The following KCTD16 variants were observed in gnomAD, a reference collection of about 807,000 sequenced individuals.
The protein encoded by KCTD16 is BTB/POZ domain-containing protein KCTD16.
In KCTD16, 13 loss-of-function variants were observed where a neutral mutation model predicts 33.2. The ratio of observed to expected loss-of-function variants is 0.39; its 90% CI spans 0.25 to 0.62. The LOEUF is 0.62. KCTD16 is among the 20% of genes least tolerant of loss of function. KCTD16 has a pLI of 0.50. For missense variants in KCTD16, 441 were observed against 525.1 expected (o/e 0.84, Z 1.57); for synonymous variants, 197 against 195.3 (o/e 1.01, Z -0.07).
intron 2 of KCTD16, chr5:144,205,545 G>T: frequency 2.5e-6 from 1 of 398,744 alleles, no homozygotes; most frequent in Non-Finnish European, 4.4e-6. Context: ...TGCCCTTGCC[G>T]GCAGGTGGGG....
At chr5:144,183,351 C>A (rs1318055643) in intron 2 of KCTD16, among the ~76,000 whole-genome samples, 1 of 152,090 alleles carries the variant, frequency 6.6e-6, no homozygotes, top group African/African-American at 2.4e-5. Context: ...CCGTAGTGCT[C>A]TTTCTCTACC....
At chr5:144,244,665 G>A (rs994771469) in intron 3 of KCTD16, among the ~76,000 whole-genome samples, 9 of 152,100 alleles carry the variant, frequency 5.9e-5, no homozygotes, top group African/African-American at 2.2e-4. Context: ...GGATTGGAGA[G>A]ATCTCTATTT....
At chr5:144,429,171 C>T (rs1198278383) in intron 3 of KCTD16, among the ~76,000 whole-genome samples, 1 of 151,928 alleles carries the variant, frequency 6.6e-6, no homozygotes, top group African/African-American at 2.4e-5. Context: ...AAGAAAAATC[C>T]CTCAGTAAAT....
At chr5:144,439,764 G>A (rs2017862) in intron 3 of KCTD16, among the ~76,000 whole-genome samples, 32,975 of 151,940 alleles carry the variant, frequency 0.22, 4,046 homozygotes, top group Non-Finnish European at 0.28. Context: ...TGGAAGAAGC[G>A]TCTGAGATTA....
chr5:144,374,702 G>A (rs1047726119), intron 3 of KCTD16, among the ~76,000 whole-genome samples: 3 of 152,078 alleles, frequency 2.0e-5, no homozygotes, highest in Non-Finnish European at 4.4e-5. Flanking sequence ...ATACTCTGTG[G>A]CCAATCTTGT....
intron 3 of KCTD16, among the ~76,000 whole-genome samples, chr5:144,286,739 C>A (rs1755756182): frequency 6.6e-6 from 1 of 152,122 alleles, no homozygotes. Context: ...AAGAATATTG[C>A]AAAGTCCTTT....
At chr5:144,313,924 A>G (rs1561563704) in intron 3 of KCTD16, among the ~76,000 whole-genome samples, 2 of 152,204 alleles carry the variant, frequency 1.3e-5, no homozygotes, top group Non-Finnish European at 2.9e-5. Flanking sequence ...GATTTAGTAT[A>G]TATTATCATT....
At chr5:144,234,339 G>T (rs1247600044) in intron 3 of KCTD16, among the ~76,000 whole-genome samples, 5 of 152,096 alleles carry the variant, frequency 3.3e-5, no homozygotes, top group Admixed American at 3.3e-4. Context: ...TGTAAGAATT[G>T]AAATATATAA....
chr5:144,444,524 T>G (rs1352568086), intron 3 of KCTD16, among the ~76,000 whole-genome samples: 1 of 152,058 alleles, frequency 6.6e-6, no homozygotes, highest in East Asian at 1.9e-4. Flanking sequence ...ACGTCAGTCA[T>G]GCCTCAATAA....
chr5:144,347,361 G>A (rs1241542266), intron 3 of KCTD16, among the ~76,000 whole-genome samples: 9 of 152,202 alleles, frequency 5.9e-5, no homozygotes, highest in African/African-American at 2.2e-4. Context: ...TTGGGAGGCT[G>A]AGTCGGGAGG....
chr5:144,455,744 C>T (rs1754047102), intron 3 of KCTD16, among the ~76,000 whole-genome samples: 1 of 152,160 alleles, frequency 6.6e-6, no homozygotes, highest in African/African-American at 2.4e-5. Flanking sequence ...GGCATTTAAG[C>T]ACTGAGGTGA....
chr5:144,467,065 TATATATA>T (rs1754358814), intron 3 of KCTD16, among the ~76,000 whole-genome samples: 1 of 131,044 alleles, frequency 7.6e-6, no homozygotes, highest in African/African-American at 2.8e-5. Context: ...CTATATGTAT[TATATATA>T]ATATATATAG....
intron 3 of KCTD16, among the ~76,000 whole-genome samples, chr5:144,248,869 G>A (rs1163000447): frequency 5.9e-5 from 9 of 152,178 alleles, no homozygotes; most frequent in East Asian, 3.9e-4. Flanking sequence ...ATGCCTATTC[G>A]TTTCCACCAT....
intron 2 of KCTD16, among the ~76,000 whole-genome samples, chr5:144,190,912 A>C (rs1473364778): frequency 6.6e-6 from 1 of 152,160 alleles, no homozygotes; most frequent in Non-Finnish European, 1.5e-5. Context: ...TGAATGAGTG[A>C]ATGGGCACTC....
chr5:144,208,305 A>C (rs1157250342), intron 3 of KCTD16, among the ~76,000 whole-genome samples: 2 of 152,240 alleles, frequency 1.3e-5, no homozygotes, highest in Admixed American at 1.3e-4. Context: ...GAGGGAAGAA[A>C]TGAAACAATG....
intron 3 of KCTD16, among the ~76,000 whole-genome samples, chr5:144,363,313 G>T (rs1236070026): frequency 1.3e-5 from 2 of 152,154 alleles, no homozygotes; most frequent in African/African-American, 4.8e-5. Flanking sequence ...CTGCACTCCA[G>T]ACTGGGTGAC....
At chr5:144,271,566 AG>A (rs1320587951) in intron 3 of KCTD16, among the ~76,000 whole-genome samples, 2 of 152,182 alleles carry the variant, frequency 1.3e-5, no homozygotes, top group East Asian at 1.9e-4. Context: ...TAAGACTGAA[AG>A]CTTTTTCTCT....
At chr5:144,353,731 T>C (rs1751501927) in intron 3 of KCTD16, among the ~76,000 whole-genome samples, 1 of 152,176 alleles carries the variant, frequency 6.6e-6, no homozygotes, top group African/African-American at 2.4e-5. Flanking sequence ...TTTAAGGAAC[T>C]AGCATTTAAT....
intron 2 of KCTD16, among the ~76,000 whole-genome samples, chr5:144,196,295 T>C (rs1752938030): frequency 6.6e-6 from 1 of 152,140 alleles, no homozygotes; most frequent in Non-Finnish European, 1.5e-5. Flanking sequence ...TGAAGCACTT[T>C]TATTATTGTC....
Sources: gnomAD v4.1 joint callset for allele counts (sites outside exome capture counted in the v4.1 genomes callset) on GRCh38, gnomAD v4.1.1 for gene constraint, MANE v1.5 for transcripts, NCBI Gene and HGNC (gene_info 2026-07-23, HGNC 2026-07-21) for gene names.